NRXN3: variants seen among roughly 807,000 people sequenced by gnomAD.
The protein encoded by NRXN3 is neurexin III.
NRXN3 carries 32 observed loss-of-function variants against 137.6 expected under a neutral mutation model. That is an observed-to-expected ratio of 0.23 (90% CI 0.18 to 0.31). The LOEUF (loss-of-function observed/expected upper bound fraction) is 0.31. Ranked by LOEUF, NRXN3 falls within the 10% of genes least tolerant of loss-of-function variation. The pLI, the probability that NRXN3 is intolerant of heterozygous loss-of-function variation, is 1.00. For missense variants in NRXN3, 1,574 were observed against 2,062.5 expected (o/e 0.76, Z 4.59); for synonymous variants, 798 against 784.5 (o/e 1.02, Z -0.29).
chr14:78,759,363 A>G (rs773285407), intron 8 of NRXN3, among the ~76,000 whole-genome samples: 9 of 152,272 alleles, frequency 5.9e-5, no homozygotes, highest in Non-Finnish European at 4.4e-5. Context: ...TGATATGTCC[A>G]ACAATACTAG....
intron 7 of NRXN3, among the ~76,000 whole-genome samples, chr14:78,714,060 A>G (rs2098420978): frequency 6.6e-6 from 1 of 152,240 alleles, no homozygotes; most frequent in African/African-American, 2.4e-5. Flanking sequence ...TAGGTCTTCC[A>G]TACACATTTA....
chr14:79,698,883 A>G (rs916457903), intron 19 of NRXN3, among the ~76,000 whole-genome samples: 1 of 152,034 alleles, frequency 6.6e-6, no homozygotes, highest in African/African-American at 2.4e-5. Context: ...CACTGACTCC[A>G]ATGGACGTGG....
intron 17 of NRXN3, among the ~76,000 whole-genome samples, chr14:79,677,589 T>C (rs149222401): frequency 1.6e-4 from 24 of 152,284 alleles, no homozygotes; most frequent in Non-Finnish European, 2.8e-4. Flanking sequence ...TGAGCTCTCC[T>C]AGAGGAGGCA....
chr14:79,528,659 A>T (rs546991399), intron 16 of NRXN3, among the ~76,000 whole-genome samples: 1 of 752 alleles, frequency 1.3e-3, no homozygotes, highest in Non-Finnish European at 2.3e-3. Context: ...TGTGTATGGT[A>T]AAAAAAAAAA....
At chr14:78,939,637 C>T (rs895739803) in intron 10 of NRXN3, among the ~76,000 whole-genome samples, 1 of 152,184 alleles carries the variant, frequency 6.6e-6, no homozygotes, top group Non-Finnish European at 1.5e-5. Flanking sequence ...TATGTTTTAT[C>T]TCTATGTATC....
intron 19 of NRXN3, among the ~76,000 whole-genome samples, chr14:79,764,163 GGT>G (rs869070916): frequency 0.31 from 25,154 of 79,934 alleles, 2,652 homozygotes; most frequent in African/African-American, 0.44. Flanking sequence ...TCTTTTGGTG[GGT>G]GGGGGGGGTG....
chr14:79,063,543 C>T (rs1179045418), intron 15 of NRXN3, among the ~76,000 whole-genome samples: 1 of 152,138 alleles, frequency 6.6e-6, no homozygotes, highest in Non-Finnish European at 1.5e-5. Flanking sequence ...CTTGGCCTCC[C>T]AAAGTGCTGT....
chr14:79,494,590 G>A (rs190195613), intron 16 of NRXN3, among the ~76,000 whole-genome samples: 211 of 152,262 alleles, frequency 1.4e-3, no homozygotes, highest in Non-Finnish European at 2.1e-3. Flanking sequence ...AACAGGGGTT[G>A]CAGTTGCCCT....
intron 14 of NRXN3, among the ~76,000 whole-genome samples, chr14:78,985,086 C>T (rs999442384): frequency 5.9e-5 from 9 of 152,182 alleles, no homozygotes; most frequent in South Asian, 2.1e-4. Flanking sequence ...CTATAATCCC[C>T]GCCCTGTATT....
chr14:79,233,275 T>G lies in NRXN3; in HGVS notation c.3263-233946T>G, dbSNP rs186672056. On this transcript the variant is annotated intron_variant, in intron 15 of 20. Transcript: ENST00000335750. ...TTTCATCCCTAGCTCATTACTACAT[T>G]TACCCTTCAACAAACATGTGGTGGG... 6.0e-3 allele frequency among the ~76,000 whole-genome samples: 920 copies of G among 152,264 alleles called. 10 individuals carry two copies. The highest frequency in any genetic ancestry group is 0.021 in the African/African-American group (862 of 41,556).
At chr14:79,145,590 G>A (rs893960282) in intron 15 of NRXN3, among the ~76,000 whole-genome samples, 2 of 152,146 alleles carry the variant, frequency 1.3e-5, no homozygotes, top group Admixed American at 1.3e-4. Context: ...ATGCTCCTAG[G>A]AGCAGCCAGA....
intron 15 of NRXN3, among the ~76,000 whole-genome samples, chr14:79,453,312 A>G (rs1380790995): frequency 1.3e-5 from 2 of 152,202 alleles, no homozygotes; most frequent in Non-Finnish European, 2.9e-5. Context: ...TCTCAAAAAA[A>G]TAAATAAATA....
chr14:79,462,530 TAA>T (rs953783811), intron 15 of NRXN3, among the ~76,000 whole-genome samples: 1 of 150,158 alleles, frequency 6.7e-6, no homozygotes. Context: ...TATATATATA[TAA>T]AAAAATACAT....
At chr14:79,007,235 C>G (rs1262443440) in intron 15 of NRXN3, among the ~76,000 whole-genome samples, 3 of 152,130 alleles carry the variant, frequency 2.0e-5, no homozygotes, top group African/African-American at 7.2e-5. Context: ...AACCAAGCAT[C>G]TACAATACGT....
intron 1 of NRXN3, among the ~76,000 whole-genome samples, chr14:78,196,595 A>G (rs1337135449): frequency 7.9e-5 from 12 of 152,210 alleles, no homozygotes. Flanking sequence ...ATCATTTTAA[A>G]AATCACTCTC....
intron 4 of NRXN3, chr14:78,526,825 G>A (rs1489210831): frequency 4.0e-6 from 2 of 505,252 alleles, no homozygotes; most frequent in Non-Finnish European, 7.9e-6. Flanking sequence ...GGAAGAAAGG[G>A]GATTCATATT....
At chr14:79,116,899 C>A (rs975221223) in intron 15 of NRXN3, among the ~76,000 whole-genome samples, 1 of 152,220 alleles carries the variant, frequency 6.6e-6, no homozygotes, top group Non-Finnish European at 1.5e-5. Context: ...TATTCTCAGT[C>A]TTCCTTCTTC....
intron 15 of NRXN3, among the ~76,000 whole-genome samples, chr14:79,345,445 G>A (rs1201842952): frequency 6.6e-6 from 1 of 152,080 alleles, no homozygotes; most frequent in Non-Finnish European, 1.5e-5. Flanking sequence ...TCCTGTCCTC[G>A]GGGTGTTTAT....
chr14:79,153,542 C>T lies in NRXN3; in HGVS notation c.3262+165401C>T, dbSNP rs563442111. 7.9e-5 allele frequency among the ~76,000 whole-genome samples: 12 copies of T among 151,940 alleles called. No homozygotes were observed. The East Asian group carries it at 2.3e-3, about 30-fold the overall frequency. ...GAGCCCACAAGTTTCTTGTCCTGGG[C>T]CCTTTAAACTGATATATCTCAATCA... On this transcript the variant is annotated intron_variant, in intron 15 of 20. Coordinates refer to ENST00000335750, the MANE Select transcript of NRXN3 (RefSeq NM_001330195.2).
Sources: allele counts gnomAD v4.1 joint callset (sites outside exome capture counted in the v4.1 genomes callset), GRCh38; gene constraint gnomAD v4.1.1; transcripts MANE v1.5; gene names NCBI Gene and HGNC (gene_info 2026-07-23, HGNC 2026-07-21).